Variants in SEMA3A observed in about 807,000 individuals in gnomAD.
The protein encoded by SEMA3A is semaphorin-3A.
A neutral mutation model predicts 97.9 loss-of-function variants in SEMA3A; 29 were observed. The ratio of observed to expected loss-of-function variants is 0.30; its 90% CI spans 0.22 to 0.40. SEMA3A has a LOEUF of 0.40. SEMA3A is among the 10% of genes least tolerant of loss of function. The probability of loss-of-function intolerance (pLI) is 1.00; values close to 1 mark genes in which losing one functional copy is unlikely to be tolerated. For synonymous variants in SEMA3A, 321 were observed against 323.7 expected (o/e 0.99, Z 0.09); for missense variants, 763 against 951.3 (o/e 0.80, Z 2.60).
chr7:84,257,854 TTAAAC>T (rs1178824667), intron 3 of SEMA3A, among the ~76,000 whole-genome samples: 1 of 152,170 alleles, frequency 6.6e-6, no homozygotes, highest in African/African-American at 2.4e-5. Context: ...CACAAACAAC[TTAAAC>T]TAGTGAGACA....
intron 4 of SEMA3A, among the ~76,000 whole-genome samples, chr7:84,078,553 G>A (rs921103920): frequency 6.6e-6 from 1 of 151,922 alleles, no homozygotes; most frequent in African/African-American, 2.4e-5. Flanking sequence ...TTTTCAGAGG[G>A]TTGTGGTCTT....
At chr7:83,974,533 T>G (rs1445358694) in intron 15 of SEMA3A, among the ~76,000 whole-genome samples, 1 of 152,172 alleles carries the variant, frequency 6.6e-6, no homozygotes, top group African/African-American at 2.4e-5. Context: ...TGCTTCCACA[T>G]GAGCACATAT....
chr7:84,078,984 T>C (rs986632961), intron 4 of SEMA3A, among the ~76,000 whole-genome samples: 3 of 152,136 alleles, frequency 2.0e-5, no homozygotes, highest in Admixed American at 6.6e-5. Context: ...ACCAGTTGAA[T>C]TGACTTTTAG....
chr7:84,349,923 C>T (rs1220891104), intron 2 of SEMA3A, among the ~76,000 whole-genome samples: 5 of 151,966 alleles, frequency 3.3e-5, no homozygotes, highest in African/African-American at 7.3e-5. Context: ...TTTCCCTTTG[C>T]GCTCCAGATT....
intron 1 of SEMA3A, among the ~76,000 whole-genome samples, chr7:84,436,443 T>A (rs1033049717): frequency 1.3e-5 from 2 of 152,042 alleles, no homozygotes; most frequent in African/African-American, 4.8e-5. Context: ...CCAACAAAGA[T>A]CTAATATCCA....
chr7:84,303,072 A>G (rs925792797), intron 3 of SEMA3A, among the ~76,000 whole-genome samples: 1 of 152,214 alleles, frequency 6.6e-6, no homozygotes, highest in Non-Finnish European at 1.5e-5. Flanking sequence ...CAAACATGCA[A>G]TGAAGTTTTT....
intron 3 of SEMA3A, among the ~76,000 whole-genome samples, chr7:84,222,354 A>G (rs1280460521): frequency 6.6e-6 from 1 of 151,968 alleles, no homozygotes; most frequent in Non-Finnish European, 1.5e-5. Flanking sequence ...AAATACCTAG[A>G]TGCAAGACAG....
chr7:84,469,187 A>G (rs1806080933), intron 1 of SEMA3A, among the ~76,000 whole-genome samples: 2 of 152,174 alleles, frequency 1.3e-5, no homozygotes, highest in Admixed American at 6.5e-5. Flanking sequence ...GCTTATGCAT[A>G]TGAATAGCTA....
intron 1 of SEMA3A, among the ~76,000 whole-genome samples, chr7:84,428,340 T>C (rs1342550644): frequency 6.6e-6 from 1 of 152,114 alleles, no homozygotes; most frequent in African/African-American, 2.4e-5. Flanking sequence ...AATATAATTT[T>C]TTCTCCTTAA....
chr7:84,164,196 A>C (rs898127479), intron 1 of SEMA3A, among the ~76,000 whole-genome samples: 5 of 152,152 alleles, frequency 3.3e-5, no homozygotes, highest in African/African-American at 1.2e-4. Context: ...AAAGGTAAAT[A>C]ATTATTTTTA....
At chr7:84,366,751 G>T (rs1466955420) in intron 2 of SEMA3A, among the ~76,000 whole-genome samples, 2 of 151,368 alleles carry the variant, frequency 1.3e-5, no homozygotes, top group African/African-American at 2.4e-5. Context: ...AGGCCTTTCT[G>T]TGCAACAAAA....
intron 2 of SEMA3A, among the ~76,000 whole-genome samples, chr7:84,370,707 TA>T (rs1802952402): frequency 6.6e-6 from 1 of 151,704 alleles, no homozygotes. Context: ...TGTATATTTT[TA>T]TTCTCATTTT....
At chr7:84,410,295 T>C (rs1206352942) in intron 1 of SEMA3A, among the ~76,000 whole-genome samples, 1 of 152,126 alleles carries the variant, frequency 6.6e-6, no homozygotes, top group Non-Finnish European at 1.5e-5. Context: ...TTTCATTTGT[T>C]GAGAATTGAG....
intron 2 of SEMA3A, among the ~76,000 whole-genome samples, chr7:84,370,484 C>A (rs17214004): frequency 6.6e-6 from 1 of 151,366 alleles, no homozygotes; most frequent in African/African-American, 2.4e-5. Context: ...TTTATAATTT[C>A]GTGTAAAAGT....
intron 1 of SEMA3A, among the ~76,000 whole-genome samples, chr7:84,388,077 G>T (rs1803445965): frequency 6.6e-6 from 1 of 152,126 alleles, no homozygotes; most frequent in Admixed American, 6.5e-5. Context: ...TTAAGGCAGA[G>T]AAATACCTGT....
intron 1 of SEMA3A, among the ~76,000 whole-genome samples, chr7:84,410,449 C>A (rs1634605): frequency 0.32 from 48,374 of 151,992 alleles, 9,241 homozygotes; most frequent in African/African-American, 0.54. Flanking sequence ...AGATTGCACA[C>A]TCCCCAGACT....
At chr7:84,419,926 C>T (rs371268541) in intron 1 of SEMA3A, among the ~76,000 whole-genome samples, 19 of 152,082 alleles carry the variant, frequency 1.2e-4, no homozygotes, top group East Asian at 3.9e-4. Flanking sequence ...GTGTTGCCTC[C>T]GGCATTCAAG....
chr7:84,107,667 T>C (rs1027607757), intron 4 of SEMA3A, among the ~76,000 whole-genome samples: 2 of 152,276 alleles, frequency 1.3e-5, no homozygotes, highest in South Asian at 2.1e-4. Flanking sequence ...CCAGAACCTG[T>C]ACCTCTTCAT....
chr7:84,100,587 A>G (rs1196779297), intron 4 of SEMA3A, among the ~76,000 whole-genome samples: 3 of 152,180 alleles, frequency 2.0e-5, no homozygotes, highest in Non-Finnish European at 4.4e-5. Context: ...ATTATTGCAG[A>G]TGTCTTTACC....
Sources: gnomAD v4.1 joint callset for allele counts (sites outside exome capture counted in the v4.1 genomes callset) on GRCh38, gnomAD v4.1.1 for gene constraint, MANE v1.5 for transcripts, NCBI Gene and HGNC (gene_info 2026-07-23, HGNC 2026-07-21) for gene names.